Variants in DGCR8 observed in about 807,000 individuals in gnomAD.
DGCR8 encodes the protein microprocessor complex subunit DGCR8.
A neutral mutation model predicts 78.5 loss-of-function variants in DGCR8; 14 were observed. The ratio of observed to expected loss-of-function variants is 0.18; its 90% CI spans 0.12 to 0.28. The LOEUF is 0.28. DGCR8 is among the 10% of genes least tolerant of loss of function. The pLI, the probability that DGCR8 is intolerant of heterozygous loss-of-function variation, is 1.00. For missense variants in DGCR8, 702 were observed against 1,022.5 expected (o/e 0.69, Z 4.28); for synonymous variants, 399 against 402.4 (o/e 0.99, Z 0.10).
At chr22:20,093,592 G>A (rs949184409) in intron 8 of DGCR8, among the ~76,000 whole-genome samples, 1 of 152,218 alleles carries the variant, frequency 6.6e-6, no homozygotes, top group Non-Finnish European at 1.5e-5. Flanking sequence ...GGAGAAGCGG[G>A]CCAGCATGCT....
At chr22:20,099,465 G>T (rs2049669258) in intron 9 of DGCR8, among the ~76,000 whole-genome samples, 1 of 152,196 alleles carries the variant, frequency 6.6e-6, no homozygotes. Context: ...AAACCCAACA[G>T]TGACAGTTCT....
intron 9 of DGCR8, among the ~76,000 whole-genome samples, chr22:20,097,896 A>G (rs1428254677): frequency 4.0e-5 from 6 of 149,602 alleles, no homozygotes; most frequent in African/African-American, 9.8e-5. Flanking sequence ...TGGGAGGCCA[A>G]GGCGGGCAGA....
At chr22:20,082,850 A>G (rs1217609780) in intron 1 of DGCR8, among the ~76,000 whole-genome samples, 1 of 152,148 alleles carries the variant, frequency 6.6e-6, no homozygotes, top group Non-Finnish European at 1.5e-5. Flanking sequence ...AGTGCTTAGA[A>G]CAGGGCCTGG....
intron 9 of DGCR8, chr22:20,102,001 G>C: frequency 5.1e-6 from 5 of 985,148 alleles, no homozygotes; most frequent in Non-Finnish European, 6.0e-6. Context: ...AGCTTGTGGT[G>C]ATCTCTTGGT....
Position 20,086,246 on chromosome 22 carries a change from A to C in DGCR8, c.283A>C (p.Ser95Arg). The change falls in exon 2 of 14, where the codon AGC becomes CGC. Residue 95 changes from serine to arginine, a missense_variant. Around this residue, in one of 4 missense-constraint regions of DGCR8, gnomAD observed 356 missense variants for 448.9 expected, o/e 0.79. Transcript: ENST00000351989. The surrounding 1 kb of genome is among the most constrained non-coding windows in gnomAD (Gnocchi z 6.4). ...CATAGACCCGAACTGTAGTGGCCAC[A>C]GCCCGCGCACCGCCCGGCACGCACC... ...LLIDPNCSGH[S>R]PRTARHAPAV... 6.2e-7 allele frequency: 1 copy of C among 1,614,150 alleles called. No homozygotes were observed. The highest frequency in any genetic ancestry group is 8.5e-7 in the Non-Finnish European group (1 of 1,180,032).
chr22:20,092,069 G>A (rs1158220338), intron 7 of DGCR8, 99 bp downstream of exon 7: 3 of 909,884 alleles, frequency 3.3e-6, no homozygotes, highest in Non-Finnish European at 5.2e-6. Context: ...CTACTCTACT[G>A]GAACGGGAGG....
rs965531503 is a variant in DGCR8, at chr22:20,107,735, G to A, written c.2124+337G>A. ...GGCTCGGAGGTGTGCAAAGGCTCAG[G>A]AGCCAGGGCCAGCTCTCCCTGCTTG... is the stretch of plus-strand genomic sequence containing the variant. On this transcript the variant is annotated intron_variant, in intron 12 of 13. Transcript: ENST00000351989. 9 of 326,530 alleles carry A rather than the reference G, an allele frequency of 2.8e-5. No individual in the cohort carries two copies. In the Admixed American group the frequency reaches 3.0e-4, roughly 11 times the overall value. The allele number at this position is 326,530 out of a possible 1,614,324, so 20.2% of individuals were successfully genotyped here.
Position 20,088,234 on chromosome 22 carries a change from C to T in DGCR8, c.880+913C>T, listed in dbSNP as rs555231029. Among the ~76,000 whole-genome samples, 22 of 152,296 alleles carry T rather than the reference C, an allele frequency of 1.4e-4. No individual in the cohort carries two copies. The East Asian group carries it at 3.1e-3, about 21-fold the overall frequency. The stretch of plus-strand genomic sequence containing the variant: ...TAAGCAGGAGGGCTTTTGGTCTAGA[C>T]GGTTGCAGGCAGGGTAAACCTGGGG... On this transcript the variant is annotated intron_variant, in intron 3 of 13. Coordinates refer to ENST00000351989, the MANE Select transcript of DGCR8 (RefSeq NM_022720.7).
intron 9 of DGCR8, chr22:20,096,414 C>T (rs1462680521): frequency 2.0e-6 from 2 of 983,964 alleles, no homozygotes; most frequent in Non-Finnish European, 1.2e-6. Flanking sequence ...CAAGGGTCAG[C>T]CATGTGAAGA....
intron 6 of DGCR8, 82 bp from the exon 7 acceptor site, chr22:20,091,787 A>G (rs2049566151): frequency 2.7e-6 from 4 of 1,488,818 alleles, no homozygotes; most frequent in African/African-American, 1.4e-5. Flanking sequence ...GTGAGCCCCT[A>G]GTTACTGACA....
chr22:20,110,108 AG>A lies in DGCR8; in HGVS notation c.*3del, dbSNP rs750418706. ...AGCCCCTGTGCACCGTGGACGTGTG[AG>A]GGAGGTGGCACGGGCCAGGGCGCGG... On this transcript the variant is annotated 3_prime_UTR_variant, in exon 14 of 14. Transcript: ENST00000351989. 4 of 1,608,908 alleles carry A rather than the reference AG, an allele frequency of 2.5e-6. No individual in the cohort carries two copies. In the Admixed American group the frequency reaches 5.0e-5, roughly 20 times the overall value.
chr22:20,080,556 T>A, intron 1 of DGCR8, 173 bp downstream of exon 1: 5 of 878,418 alleles, frequency 5.7e-6, no homozygotes, highest in Non-Finnish European at 6.8e-6. Context: ...GAGCGCGGGG[T>A]GGGGACGCCT....
intron 1 of DGCR8, among the ~76,000 whole-genome samples, chr22:20,082,083 A>G (rs1475036241): frequency 6.7e-6 from 1 of 149,094 alleles, no homozygotes; most frequent in Non-Finnish European, 1.5e-5. Context: ...TTGAGACAGA[A>G]TCTCGCTCTG....
intron 9 of DGCR8, chr22:20,100,928 ACCCGGCAC>A: frequency 6.9e-6 from 5 of 729,478 alleles, no homozygotes; most frequent in Non-Finnish European, 6.7e-6. Context: ...GGCCCCTGCC[ACCCGGCAC>A]AGGACCCCTC....
chr22:20,092,066 A>G, intron 7 of DGCR8, 96 bp downstream of exon 7: 3 of 955,384 alleles, frequency 3.1e-6, no homozygotes, highest in South Asian at 1.4e-5. Context: ...GCCCTACTCT[A>G]CTGGAACGGG....
At chr22:20,090,365 A>AG in intron 5 of DGCR8, 107 bp downstream of exon 5, 1 of 1,322,754 alleles carries the variant, frequency 7.6e-7, no homozygotes, top group Non-Finnish European at 1.0e-6. Flanking sequence ...CTTGTGAGCA[A>AG]GGGGCTGTGC....
chr22:20,080,578 G>A, intron 1 of DGCR8, 195 bp downstream of exon 1: 1 of 780,734 alleles, frequency 1.3e-6, no homozygotes, highest in Non-Finnish European at 1.6e-6. Context: ...CGGGGCTGGG[G>A]GGCGGGCCCC....
At position 20,086,067 on chromosome 22, in the gene DGCR8, C is replaced by T. The variant is rs763535904; in HGVS notation, c.104C>T (p.Ser35Phe). 6.8e-6 allele frequency: 11 copies of T among 1,614,004 alleles called. No individual in the cohort carries two copies. The Admixed American group carries it at 1.2e-4, about 17-fold the overall frequency. The change falls in exon 2 of 14, where the codon TCT (serine) becomes TTT (phenylalanine). Residue 35 changes from serine (S) to phenylalanine (F), a missense_variant. By Grantham distance (155) the Ser-to-Phe change is radical. This residue lies in a region of DGCR8 where 356 missense variants were observed against 448.9 expected (regional missense o/e 0.79). Transcript: ENST00000351989. The surrounding 1 kb of genome is among the most constrained non-coding windows in gnomAD (Gnocchi z 6.4). ...TTCCAAGCGCTGCCCCGTGAGCAGT[C>T]TCCACCACCTCCCCTGCAAACGTCC... The part of the protein sequence containing the change: ...RPFQALPREQ[S>F]PPPPLQTSSG...
At chr22:20,099,070 T>A (rs936945718) in intron 9 of DGCR8, among the ~76,000 whole-genome samples, 2 of 152,120 alleles carry the variant, frequency 1.3e-5, no homozygotes, top group African/African-American at 4.8e-5. Flanking sequence ...AGCCAGTAAG[T>A]CTCCCGGCCT....
Sources: gnomAD v4.1 joint callset for allele counts (sites outside exome capture counted in the v4.1 genomes callset) on GRCh38, gnomAD v4.1.1 for gene constraint, gnomAD v4.1.1 regional missense constraint, Gnocchi (gnomAD v3.1) non-coding constraint, MANE v1.5 for transcripts, NCBI Gene and HGNC (gene_info 2026-07-23, HGNC 2026-07-21) for gene names.